MAGI1: variants seen among roughly 807,000 people sequenced by gnomAD.
The protein encoded by MAGI1 is membrane associated guanylate kinase, WW and PDZ domain containing 1.
MAGI1 carries 58 observed loss-of-function variants against 139.9 expected under a neutral mutation model. The observed-to-expected ratio is 0.41, with a 90% CI of 0.34 to 0.52. The LOEUF is 0.52. Ranked by LOEUF, MAGI1 falls within the 20% of genes least tolerant of loss-of-function variation. The probability of loss-of-function intolerance (pLI) is 0.12; values close to 1 mark genes in which losing one functional copy is unlikely to be tolerated. For missense variants in MAGI1, 1,874 were observed against 1,901.6 expected (o/e 0.99, Z 0.27); for synonymous variants, 812 against 737.9 (o/e 1.10, Z -1.63).
chr3:65,881,300 A>C (rs903773497), intron 1 of MAGI1, among the ~76,000 whole-genome samples: 1 of 152,130 alleles, frequency 6.6e-6, no homozygotes, highest in Non-Finnish European at 1.5e-5. Context: ...ACAGATAATA[A>C]ATATCTGATC....
At chr3:65,696,183 C>G (rs2089169833) in intron 1 of MAGI1, among the ~76,000 whole-genome samples, 1 of 152,154 alleles carries the variant, frequency 6.6e-6, no homozygotes, top group Admixed American at 6.5e-5. Flanking sequence ...TCCCCCTTCC[C>G]TAACTTTCTG....
chr3:65,438,667 G>A (rs1411274486), intron 9 of MAGI1, among the ~76,000 whole-genome samples: 1 of 152,116 alleles, frequency 6.6e-6, no homozygotes, highest in Non-Finnish European at 1.5e-5. Context: ...GCCAAACTGG[G>A]GCCAATTCCT....
At chr3:65,616,562 T>C (rs568515228) in intron 2 of MAGI1, among the ~76,000 whole-genome samples, 221 of 152,304 alleles carry the variant, frequency 1.5e-3, no homozygotes, top group Non-Finnish European at 3.7e-4. Context: ...GCTATTGCTA[T>C]TGTTACTAGT....
intron 2 of MAGI1, among the ~76,000 whole-genome samples, chr3:65,530,092 T>G (rs945215157): frequency 6.6e-6 from 1 of 152,134 alleles, no homozygotes; most frequent in African/African-American, 2.4e-5. Context: ...AATGAATGAA[T>G]GAAGCAATAC....
rs547286082 is a variant in MAGI1, at chr3:65,986,182, G to C, written c.313+51814C>G. Reference sequence around the variant, plus strand: ...ATGTTTGCAACATCATTCTCTATTGGAATTGGCACATGAAACTTATATACC... The same window carrying C: ...ATGTTTGCAACATCATTCTCTATTGCAATTGGCACATGAAACTTATATACC... On this transcript the variant is annotated intron_variant, in intron 1 of 22. Coordinates refer to ENST00000402939, the MANE Select transcript of MAGI1 (RefSeq NM_001033057.2). 3.9e-5 allele frequency among the ~76,000 whole-genome samples: 6 copies of C among 152,148 alleles called. No individual in the cohort carries two copies. In the South Asian group the frequency reaches 1.2e-3, roughly 32 times the overall value.
At chr3:65,785,120 T>C (rs2039278912) in intron 1 of MAGI1, among the ~76,000 whole-genome samples, 1 of 152,252 alleles carries the variant, frequency 6.6e-6, no homozygotes, top group Admixed American at 6.5e-5. Context: ...ATATTAGTTA[T>C]ATCTCAATAC....
At chr3:65,930,899 G>T (rs1052413674) in intron 1 of MAGI1, among the ~76,000 whole-genome samples, 1 of 152,118 alleles carries the variant, frequency 6.6e-6, no homozygotes, top group Non-Finnish European at 1.5e-5. Flanking sequence ...GGAATTGCCC[G>T]CCCCTTTCCT....
chr3:65,826,164 T>A (rs1357856806), intron 1 of MAGI1, among the ~76,000 whole-genome samples: 2 of 152,146 alleles, frequency 1.3e-5, no homozygotes, highest in African/African-American at 4.8e-5. Context: ...AAACACATTA[T>A]CAATGACTGG....
chr3:66,038,593 G>C lies in MAGI1; in HGVS notation c.-285C>G, dbSNP rs1299064735. ...TTCCGGCGCCCGCCCGTGCTCTCCC[G>C]GACCAGAGTCCACTCTGCGCCGCTC... On this transcript the variant is annotated 5_prime_UTR_variant, in exon 1 of 23. Transcript: ENST00000402939. The C allele has an allele frequency of 7.0e-6, 3 of 431,316 alleles. No individual in the cohort carries two copies. The highest frequency in any genetic ancestry group is 7.5e-5 in the East Asian group (2 of 26,520). The allele number at this position is 431,316 out of a possible 1,614,324, so 26.7% of individuals were successfully genotyped here.
At chr3:65,796,066 A>AAAAAAG (rs2040125037) in intron 1 of MAGI1, among the ~76,000 whole-genome samples, 3 of 143,514 alleles carry the variant, frequency 2.1e-5, no homozygotes, top group Admixed American at 7.5e-5. Flanking sequence ...AAAAAAAAAA[A>AAAAAAG]AAAAGAAAAG....
At chr3:65,634,877 T>C (rs879619260) in intron 1 of MAGI1, among the ~76,000 whole-genome samples, 16 of 152,186 alleles carry the variant, frequency 1.1e-4, no homozygotes, top group Non-Finnish European at 1.9e-4. Context: ...GTGGTAATTT[T>C]TGGTTATTTG....
chr3:65,979,400 G>A (rs1248342010), intron 1 of MAGI1, among the ~76,000 whole-genome samples: 2 of 152,100 alleles, frequency 1.3e-5, no homozygotes, highest in Admixed American at 6.6e-5. Flanking sequence ...AGCTCGCTGG[G>A]ACATGTGGTT....
chr3:65,799,847 C>T (rs12373999), intron 1 of MAGI1, among the ~76,000 whole-genome samples: 101 of 152,214 alleles, frequency 6.6e-4, no homozygotes, highest in African/African-American at 2.3e-3. Context: ...TTTCCCCTCA[C>T]ATTAATAATT....
intron 3 of MAGI1, 133 bp from the exon 4 acceptor site, chr3:65,478,931 T>C: frequency 1.5e-6 from 1 of 679,120 alleles, no homozygotes; most frequent in South Asian, 1.8e-5. Context: ...CTGTATTTTA[T>C]TTCTGGAGTG....
At chr3:65,966,289 AG>A (rs1368823056) in intron 1 of MAGI1, among the ~76,000 whole-genome samples, 1 of 152,206 alleles carries the variant, frequency 6.6e-6, no homozygotes, top group African/African-American at 2.4e-5. Context: ...TACTAATGGA[AG>A]GGACAGTATT....
chr3:65,681,625 G>C (rs1402234272), intron 1 of MAGI1, among the ~76,000 whole-genome samples: 1 of 152,162 alleles, frequency 6.6e-6, no homozygotes, highest in African/African-American at 2.4e-5. Context: ...CAGACCCTCT[G>C]CACTTCTATT....
chr3:65,875,906 G>A (rs1402518203), intron 1 of MAGI1, among the ~76,000 whole-genome samples: 2 of 152,136 alleles, frequency 1.3e-5, no homozygotes, highest in African/African-American at 2.4e-5. Context: ...GAGGGGATGA[G>A]AGTTGTGGAA....
At chr3:65,661,657 T>C (rs1287567698) in intron 1 of MAGI1, among the ~76,000 whole-genome samples, 2 of 152,136 alleles carry the variant, frequency 1.3e-5, no homozygotes, top group African/African-American at 4.8e-5. Context: ...ATGAAATTCA[T>C]AGCATGACAC....
At chr3:65,696,627 T>C (rs972149240) in intron 1 of MAGI1, among the ~76,000 whole-genome samples, 3 of 152,194 alleles carry the variant, frequency 2.0e-5, no homozygotes, top group Admixed American at 6.5e-5. Flanking sequence ...ATGTTTTTTT[T>C]CCCTCCTGCT....
Sources: allele counts gnomAD v4.1 joint callset (sites outside exome capture counted in the v4.1 genomes callset), GRCh38; gene constraint gnomAD v4.1.1; transcripts MANE v1.5; gene names NCBI Gene and HGNC (gene_info 2026-07-23, HGNC 2026-07-21).